The following OSBPL10 variants were observed in gnomAD, a reference collection of about 807,000 sequenced individuals.
OSBPL10 encodes the protein oxysterol binding protein like 10.
A neutral mutation model predicts 81.7 loss-of-function variants in OSBPL10; 49 were observed. That is an observed-to-expected ratio of 0.60 (90% CI 0.48 to 0.76). The LOEUF (loss-of-function observed/expected upper bound fraction) is 0.76, where lower values mean the gene tolerates loss of function less well. OSBPL10 is among the 30% of genes least tolerant of loss of function. The probability of loss-of-function intolerance (pLI) is 0.00; values close to 1 mark genes in which losing one functional copy is unlikely to be tolerated. For synonymous variants in OSBPL10, 419 were observed against 383.6 expected (o/e 1.09, Z -1.08); for missense variants, 923 against 987.8 (o/e 0.93, Z 0.88).
chr3:31,708,567 A>T, intron 6 of OSBPL10: 2 of 294,668 alleles, frequency 6.8e-6, no homozygotes, highest in Non-Finnish European at 1.0e-5. Context: ...GCCTTCTTGT[A>T]CCCATTTCCA....
At chr3:31,956,733 A>C (rs1424484877) in intron 1 of OSBPL10, among the ~76,000 whole-genome samples, 2 of 152,038 alleles carry the variant, frequency 1.3e-5, no homozygotes, top group Non-Finnish European at 2.9e-5. Context: ...CGTCTCAAAA[A>C]AAAAAAGGGG....
chr3:31,962,945 A>G (rs1459408915), intron 1 of OSBPL10, among the ~76,000 whole-genome samples: 3 of 152,206 alleles, frequency 2.0e-5, no homozygotes, highest in African/African-American at 7.2e-5. Flanking sequence ...GCTTTCAATC[A>G]AAAGACTTCA....
chr3:31,750,255 T>C (rs1402684936), intron 4 of OSBPL10, among the ~76,000 whole-genome samples: 1 of 152,242 alleles, frequency 6.6e-6, no homozygotes, highest in Non-Finnish European at 1.5e-5. Context: ...AACCTCATTA[T>C]TCTCCACAGC....
intron 1 of OSBPL10, among the ~76,000 whole-genome samples, chr3:31,888,627 C>A (rs143148217): frequency 2.9e-3 from 443 of 152,132 alleles, no homozygotes; most frequent in Non-Finnish European, 4.7e-3. Context: ...CGAAAAAAAA[C>A]CACAAATAAT....
At chr3:31,911,274 A>AC (rs1696569623) in intron 1 of OSBPL10, among the ~76,000 whole-genome samples, 1 of 152,236 alleles carries the variant, frequency 6.6e-6, no homozygotes, top group Admixed American at 6.5e-5. Flanking sequence ...AAAAGTAGCC[A>AC]CAGACCAGAG....
In OSBPL10 at chr3:31,991,314, T is replaced by C. The variant is rs1427962038; in HGVS notation, n.298+55177A>G. 17 of 258,074 alleles carry C rather than the reference T, an allele frequency of 6.6e-5. No individual in the cohort carries two copies. The East Asian group carries it at 1.6e-3, about 24-fold the overall frequency. The allele number at this position is 258,074 out of a possible 1,614,324, so 16.0% of individuals were successfully genotyped here. A position where few individuals can be genotyped will look rare whatever the true frequency, so the allele number is the denominator to read the frequency against. Reference sequence around the variant, plus strand: ...TTTTTGTTTCTGATAGGGATTTTTATGGGTATTGTGTTGAATCTAAATCAC... The same window carrying C: ...TTTTTGTTTCTGATAGGGATTTTTACGGGTATTGTGTTGAATCTAAATCAC... On this transcript the variant is annotated intron_variant and non_coding_transcript_variant, in intron 2 of 3. Transcript: ENST00000479173.
At chr3:31,769,160 C>T (rs189409512) in intron 4 of OSBPL10, among the ~76,000 whole-genome samples, 4 of 152,070 alleles carry the variant, frequency 2.6e-5, no homozygotes, top group Middle Eastern at 3.4e-3. Context: ...AAAGAACAGA[C>T]GGCTGGGCAC....
intron 1 of OSBPL10, among the ~76,000 whole-genome samples, chr3:31,924,420 A>G (rs1250338221): frequency 6.6e-6 from 1 of 151,998 alleles, no homozygotes; most frequent in African/African-American, 2.4e-5. Context: ...TGAGGTATCA[A>G]ATCCAGAGAG....
intron 2 of OSBPL10, among the ~76,000 whole-genome samples, chr3:32,029,921 AT>A (rs1214033499): frequency 6.6e-6 from 1 of 152,208 alleles, no homozygotes; most frequent in East Asian, 1.9e-4. Flanking sequence ...TTTAATAATA[AT>A]TTTATATCTG....
intron 1 of OSBPL10, among the ~76,000 whole-genome samples, chr3:32,055,404 A>G (rs1389262270): frequency 6.6e-6 from 1 of 151,572 alleles, no homozygotes; most frequent in Non-Finnish European, 1.5e-5. Context: ...GGGTTTCACC[A>G]TGTTGGCCAG....
intron 5 of OSBPL10, among the ~76,000 whole-genome samples, chr3:31,742,505 C>T (rs1419178447): frequency 6.6e-6 from 1 of 152,240 alleles, no homozygotes; most frequent in African/African-American, 2.4e-5. Flanking sequence ...TTTGTGTTCA[C>T]GGGTACCTGT....
At chr3:32,039,894 GTC>G (rs752242604) in intron 2 of OSBPL10, among the ~76,000 whole-genome samples, 2 of 152,078 alleles carry the variant, frequency 1.3e-5, no homozygotes, top group East Asian at 3.9e-4. Context: ...GACAAAGACA[GTC>G]TCACTCACGG....
At chr3:31,724,535 C>T in intron 6 of OSBPL10, among the ~76,000 whole-genome samples, 1 of 152,112 alleles carries the variant, frequency 6.6e-6, no homozygotes, top group East Asian at 1.9e-4. Flanking sequence ...TATTCACCTC[C>T]TCTCTTATAA....
At chr3:31,837,475 T>C (rs1228685595) in intron 3 of OSBPL10, among the ~76,000 whole-genome samples, 1 of 150,690 alleles carries the variant, frequency 6.6e-6, no homozygotes, top group Non-Finnish European at 1.5e-5. Flanking sequence ...TTAATTAGGT[T>C]ACAAAGCAAA....
intron 4 of OSBPL10, among the ~76,000 whole-genome samples, chr3:31,815,818 C>G (rs533458737): frequency 6.6e-6 from 1 of 152,320 alleles, no homozygotes; most frequent in Non-Finnish European, 1.5e-5. Flanking sequence ...GCCAACGTCT[C>G]TCTGCAGCCA....
intron 7 of OSBPL10, among the ~76,000 whole-genome samples, chr3:31,684,661 C>T (rs771669228): frequency 7.9e-5 from 12 of 152,210 alleles, no homozygotes; most frequent in South Asian, 2.1e-4. Context: ...GTACAAGCCC[C>T]ACCATGACTG....
chr3:31,988,844 G>T, intron 2 of OSBPL10: 1 of 568,484 alleles, frequency 1.8e-6, no homozygotes, highest in Non-Finnish European at 3.1e-6. Flanking sequence ...GCCTTGAGAT[G>T]ACTGCAGCCA....
At chr3:31,837,793 G>A (rs1700397571) in intron 3 of OSBPL10, among the ~76,000 whole-genome samples, 1 of 151,618 alleles carries the variant, frequency 6.6e-6, no homozygotes, top group Non-Finnish European at 1.5e-5. Flanking sequence ...TAAAAACTAT[G>A]ATGTACAAGT....
chr3:31,929,517 G>A (rs549489250), intron 1 of OSBPL10, among the ~76,000 whole-genome samples: 1 of 152,242 alleles, frequency 6.6e-6, no homozygotes, highest in South Asian at 2.1e-4. Flanking sequence ...GGAGGCCGAG[G>A]CAGGTGGATC....
Sources: gnomAD v4.1 joint callset for allele counts (sites outside exome capture counted in the v4.1 genomes callset) on GRCh38, gnomAD v4.1.1 for gene constraint, MANE v1.5 for transcripts, NCBI Gene and HGNC (gene_info 2026-07-23, HGNC 2026-07-21) for gene names.